LYPD6B: variants seen among roughly 807,000 people sequenced by gnomAD.
The protein encoded by LYPD6B is ly6/PLAUR domain-containing protein 6B.
Under a neutral mutation model 22.8 loss-of-function variants are expected in LYPD6B, and 17 were observed. The observed-to-expected ratio is 0.75, with a 90% CI of 0.51 to 1.12. LYPD6B has a LOEUF of 1.12. LYPD6B is among the 50% of genes most tolerant of loss of function. LYPD6B has a pLI of 0.00. For synonymous variants in LYPD6B, 106 were observed against 91.6 expected, an observed-to-expected ratio of 1.16 and a Z score of -0.90; for missense variants, 221 against 258.3, an observed-to-expected ratio of 0.86 and a Z score of 0.99.
At chr2:149,133,575 G>A (rs1054746357) in intron 2 of LYPD6B, among the ~76,000 whole-genome samples, 8 of 152,218 alleles carry the variant, frequency 5.3e-5, no homozygotes, top group African/African-American at 1.9e-4. Context: ...AAGAGTATCA[G>A]AACCACTAAG....
At chr2:149,125,502 G>A (rs1328904287) in intron 1 of LYPD6B, among the ~76,000 whole-genome samples, 1 of 152,134 alleles carries the variant, frequency 6.6e-6, no homozygotes, top group Non-Finnish European at 1.5e-5. Flanking sequence ...CAAATGTGGA[G>A]GACAGGCTTG....
chr2:149,146,705 A>C (rs1053432890), intron 2 of LYPD6B, among the ~76,000 whole-genome samples: 4 of 151,748 alleles, frequency 2.6e-5, no homozygotes, highest in African/African-American at 9.7e-5. Flanking sequence ...GCCACTCCTC[A>C]GAGACCCCAA....
chr2:149,188,658 CTAAT>C, intron 3 of LYPD6B: 1 of 961,724 alleles, frequency 1.0e-6, no homozygotes, highest in South Asian at 4.8e-5. Context: ...TGTATTACAG[CTAAT>C]TAGTCTAAGG....
At chr2:149,086,677 C>A (rs1226838850) in intron 1 of LYPD6B, among the ~76,000 whole-genome samples, 4 of 152,142 alleles carry the variant, frequency 2.6e-5, no homozygotes, top group Non-Finnish European at 5.9e-5. Context: ...GCTGCCATGG[C>A]AAAATATCAC....
At chr2:149,040,810 C>T (rs1683045705) in intron 1 of LYPD6B, among the ~76,000 whole-genome samples, 1 of 152,248 alleles carries the variant, frequency 6.6e-6, no homozygotes, top group African/African-American at 2.4e-5. Flanking sequence ...GTCAAGTCTT[C>T]ATCTAATGCA....
intron 1 of LYPD6B, among the ~76,000 whole-genome samples, chr2:149,050,332 C>T (rs1173307522): frequency 6.6e-6 from 1 of 152,128 alleles, no homozygotes; most frequent in Non-Finnish European, 1.5e-5. Context: ...ACATCTACTG[C>T]TCTTCATGAT....
chr2:149,098,108 A>G (rs1172235356), intron 1 of LYPD6B, among the ~76,000 whole-genome samples: 1 of 152,120 alleles, frequency 6.6e-6, no homozygotes, highest in Non-Finnish European at 1.5e-5. Context: ...GGAAAATCCT[A>G]CGAGATAATA....
intron 1 of LYPD6B, among the ~76,000 whole-genome samples, chr2:149,071,818 C>T (rs1427955750): frequency 6.6e-6 from 1 of 152,174 alleles, no homozygotes; most frequent in Non-Finnish European, 1.5e-5. Context: ...CAAGGTCTCT[C>T]AGTCCAGATT....
chr2:149,201,228 T>A (rs1290967810), intron 3 of LYPD6B, among the ~76,000 whole-genome samples: 1 of 152,188 alleles, frequency 6.6e-6, no homozygotes, highest in Non-Finnish European at 1.5e-5. Context: ...AGGGAAAACA[T>A]GTCTAGACAC....
At chr2:149,161,292 A>G (rs1263562411) in intron 3 of LYPD6B, among the ~76,000 whole-genome samples, 1 of 152,208 alleles carries the variant, frequency 6.6e-6, no homozygotes, top group Non-Finnish European at 1.5e-5. Context: ...GAATCTTTGC[A>G]TGTTAAGCCT....
At chr2:149,175,512 C>T (rs868802905) in intron 3 of LYPD6B, among the ~76,000 whole-genome samples, 1 of 151,984 alleles carries the variant, frequency 6.6e-6, no homozygotes, top group Non-Finnish European at 1.5e-5. Context: ...ACTTAGGCTA[C>T]ACTAAATTTA....
chr2:149,175,328 T>A (rs944649401), intron 3 of LYPD6B, among the ~76,000 whole-genome samples: 2 of 152,090 alleles, frequency 1.3e-5, no homozygotes, highest in African/African-American at 4.8e-5. Context: ...CAAATATATC[T>A]AAACATGAAA....
chr2:149,071,053 G>C (rs1199236455), intron 1 of LYPD6B, among the ~76,000 whole-genome samples: 1 of 152,212 alleles, frequency 6.6e-6, no homozygotes. Context: ...ACTGATAGGT[G>C]AGGGGCTAGG....
chr2:149,150,954 C>T (rs991136933), intron 2 of LYPD6B, among the ~76,000 whole-genome samples: 8 of 151,998 alleles, frequency 5.3e-5, no homozygotes, highest in Non-Finnish European at 1.2e-4. Flanking sequence ...GAGTCCTACC[C>T]TATTCTCATT....
chr2:149,203,967 G>T (rs1187200368), intron 3 of LYPD6B, among the ~76,000 whole-genome samples: 1 of 152,210 alleles, frequency 6.6e-6, no homozygotes, highest in Non-Finnish European at 1.5e-5. Flanking sequence ...AAACGTGCAT[G>T]TGAAGGATTA....
In LYPD6B at chr2:149,145,617, G is replaced by A. The variant is rs149179377; in HGVS notation, c.5+14664G>A. ...AAACAGCCCATAGAAGAGAGAAAGA[G>A]GGGGTGGATGGATCTGCCAGCCTCC... On this transcript the variant is annotated intron_variant, in intron 2 of 6. Transcript: ENST00000409642. Among the ~76,000 whole-genome samples, 393 of 152,240 alleles carry A rather than the reference G, an allele frequency of 2.6e-3. 10 individuals carry two copies. In the East Asian group the frequency reaches 0.031, roughly 12 times the overall value.
At chr2:149,147,443 G>A (rs546141109) in intron 2 of LYPD6B, among the ~76,000 whole-genome samples, 5 of 152,286 alleles carry the variant, frequency 3.3e-5, no homozygotes, top group Admixed American at 6.5e-5. Flanking sequence ...TGTGTATTGT[G>A]ACTACCTCCA....
intron 2 of LYPD6B, among the ~76,000 whole-genome samples, chr2:149,138,297 A>G (rs990631496): frequency 2.0e-5 from 3 of 152,156 alleles, no homozygotes; most frequent in Admixed American, 6.5e-5. Context: ...GCTGAGAAAC[A>G]ATTTATGTAT....
chr2:149,106,755 T>C (rs1267702868), intron 1 of LYPD6B, among the ~76,000 whole-genome samples: 1 of 152,192 alleles, frequency 6.6e-6, no homozygotes, highest in Non-Finnish European at 1.5e-5. Context: ...TTTTCTCTAT[T>C]GTTTTTCTGC....
Sources: allele counts gnomAD v4.1 joint callset (sites outside exome capture counted in the v4.1 genomes callset), GRCh38; gene constraint gnomAD v4.1.1; transcripts MANE v1.5; gene names NCBI Gene and HGNC (gene_info 2026-07-23, HGNC 2026-07-21).